The following AQP7B variants were observed in gnomAD, a reference collection of about 807,000 sequenced individuals.
AQP7B encodes aquaporin 7B.
the AQP7B span, among the ~76,000 whole-genome samples, chr2:94,591,498 C>T: frequency 1.3e-5 from 2 of 152,140 alleles, no homozygotes; most frequent in Admixed American, 1.3e-4. Context: ...GAAGCTGATG[C>T]TCACCCTGCC....
At chr2:94,590,120 A>G in the AQP7B span, among the ~76,000 whole-genome samples, 1 of 152,124 alleles carries the variant, frequency 6.6e-6, no homozygotes, top group African/African-American at 2.4e-5. Context: ...GAGTGACCCA[A>G]GAGTGGAGAG....
chr2:94,593,825 C>T, the AQP7B span, among the ~76,000 whole-genome samples: 1 of 152,012 alleles, frequency 6.6e-6, no homozygotes, highest in African/African-American at 2.4e-5. Flanking sequence ...ACCCCGCCAC[C>T]TTCCCCAAAC....
At chr2:94,591,746 C>T in the AQP7B span, among the ~76,000 whole-genome samples, 1 of 152,152 alleles carries the variant, frequency 6.6e-6, no homozygotes, top group Admixed American at 6.5e-5. Flanking sequence ...CATGTCAGTC[C>T]TACGCCCAGA....
the AQP7B span, among the ~76,000 whole-genome samples, chr2:94,588,988 T>C: frequency 8.7e-5 from 13 of 149,166 alleles, 1 homozygote; most frequent in South Asian, 6.4e-4. Context: ...TTTTTCTTTT[T>C]TTTTTTTTTT....
At chr2:94,603,292 C>G in the AQP7B span, 1 of 1,435,748 alleles carries the variant, frequency 7.0e-7, no homozygotes, top group African/African-American at 1.4e-5. Context: ...AGCCTTGGAG[C>G]TCCCCCACCC....
At chr2:94,595,343 G>T in the AQP7B span, among the ~76,000 whole-genome samples, 1 of 152,086 alleles carries the variant, frequency 6.6e-6, no homozygotes, top group African/African-American at 2.4e-5. Context: ...GCTGAGGCAG[G>T]AGAATCACTT....
At chr2:94,603,870 C>G in the AQP7B span, 2 of 1,390,824 alleles carry the variant, frequency 1.4e-6, no homozygotes, top group East Asian at 2.3e-5. Context: ...TCAATCCATC[C>G]CGGGACCCGC....
the AQP7B span, chr2:94,594,869 T>C: frequency 2.0e-6 from 3 of 1,524,568 alleles, no homozygotes. Flanking sequence ...ACATATGTCA[T>C]GATGGTGAGT....
the AQP7B span, among the ~76,000 whole-genome samples, chr2:94,595,968 G>T: frequency 2.0e-5 from 3 of 152,206 alleles, no homozygotes; most frequent in Non-Finnish European, 4.4e-5. Flanking sequence ...TACAGAAAGA[G>T]AAAAGGATGG....
the AQP7B span, chr2:94,603,575 A>G: frequency 7.5e-6 from 11 of 1,473,244 alleles, no homozygotes; most frequent in Non-Finnish European, 7.4e-6. Context: ...GAGTCCCTCC[A>G]GATAGACAGG....
At chr2:94,597,087 T>C in the AQP7B span, among the ~76,000 whole-genome samples, 2 of 152,158 alleles carry the variant, frequency 1.3e-5, no homozygotes, top group East Asian at 3.9e-4. Context: ...CATGTATTGC[T>C]CCCTTGTTAT....
chr2:94,589,170 T>C, the AQP7B span, among the ~76,000 whole-genome samples: 1 of 151,258 alleles, frequency 6.6e-6, no homozygotes, highest in African/African-American at 2.4e-5. Context: ...AGTTGTTGTT[T>C]TTTTTTTTTT....
At chr2:94,603,537 C>T in the AQP7B span, 9 of 1,580,298 alleles carry the variant, frequency 5.7e-6, no homozygotes, top group East Asian at 1.3e-4. Context: ...TCCCCCTGCC[C>T]TCCACCCCTC....
At chr2:94,604,483 C>T in the AQP7B span, 1 of 1,611,060 alleles carries the variant, frequency 6.2e-7, no homozygotes, top group African/African-American at 1.3e-5. Context: ...TGATCTCTCC[C>T]CTCACCCTCA....
chr2:94,595,687 T>C, the AQP7B span, among the ~76,000 whole-genome samples: 1 of 151,974 alleles, frequency 6.6e-6, no homozygotes, highest in African/African-American at 2.4e-5. Context: ...ATGACTGATC[T>C]GGGGTTGGAG....
At chr2:94,596,844 C>A in the AQP7B span, among the ~76,000 whole-genome samples, 1 of 152,156 alleles carries the variant, frequency 6.6e-6, no homozygotes, top group African/African-American at 2.4e-5. Context: ...GGACTACAGG[C>A]ACGTGCCACT....
At chr2:94,604,083 C>T in the AQP7B span, among the ~76,000 whole-genome samples, 2 of 152,134 alleles carry the variant, frequency 1.3e-5, no homozygotes, top group Non-Finnish European at 2.9e-5. Flanking sequence ...TTTCCCCAGG[C>T]CAGTACAGAT....
At chr2:94,599,449 T>A in the AQP7B span, among the ~76,000 whole-genome samples, 1 of 152,188 alleles carries the variant, frequency 6.6e-6, no homozygotes, top group African/African-American at 2.4e-5. Context: ...TCTGACTTTT[T>A]TTTTTTAAAT....
At chr2:94,604,123 C>A in the AQP7B span, among the ~76,000 whole-genome samples, 2 of 152,172 alleles carry the variant, frequency 1.3e-5, no homozygotes, top group Non-Finnish European at 2.9e-5. Flanking sequence ...TGAGTATCAA[C>A]CCTGTCCCTG....
Sources: gnomAD v4.1 joint callset for allele counts (sites outside exome capture counted in the v4.1 genomes callset) on GRCh38, gnomAD v4.1.1 for gene constraint, MANE v1.5 for transcripts, NCBI Gene and HGNC (gene_info 2026-07-23, HGNC 2026-07-21) for gene names.